The following TRAPPC9 variants were observed in gnomAD, a reference collection of about 807,000 sequenced individuals.
TRAPPC9 encodes the protein IKK2 binding protein.
In TRAPPC9, 83 loss-of-function variants were observed where a neutral mutation model predicts 124.0. That is an observed-to-expected ratio of 0.67 (90% CI 0.56 to 0.80). TRAPPC9 has a LOEUF of 0.80. TRAPPC9 is among the 30% of genes least tolerant of loss of function. The pLI, the probability that TRAPPC9 is intolerant of heterozygous loss-of-function variation, is 0.00. For missense variants in TRAPPC9, 1,302 were observed against 1,508.3 expected (o/e 0.86, Z 2.27); for synonymous variants, 638 against 617.5 (o/e 1.03, Z -0.49).
intron 19 of TRAPPC9, among the ~76,000 whole-genome samples, chr8:139,982,838 T>A (rs1328536761): frequency 6.6e-6 from 1 of 152,180 alleles, no homozygotes; most frequent in Non-Finnish European, 1.5e-5. Context: ...CTAAAAACTC[T>A]AATATTCACA....
At chr8:140,037,560 G>C (rs999574210) in intron 17 of TRAPPC9, among the ~76,000 whole-genome samples, 3 of 151,342 alleles carry the variant, frequency 2.0e-5, no homozygotes, top group African/African-American at 7.3e-5. Context: ...TCCTGTCTCA[G>C]GTCAAACACA....
intron 17 of TRAPPC9, among the ~76,000 whole-genome samples, chr8:140,080,508 A>G (rs574687556): frequency 5.9e-5 from 9 of 152,244 alleles, no homozygotes; most frequent in Non-Finnish European, 1.3e-4. Context: ...AAGAAGAAAC[A>G]CCAGAGGGCA....
chr8:139,937,937 A>G (rs904867700), intron 19 of TRAPPC9, among the ~76,000 whole-genome samples: 1 of 152,140 alleles, frequency 6.6e-6, no homozygotes, highest in Non-Finnish European at 1.5e-5. Context: ...AGATGCACAG[A>G]GACACCTCCT....
In TRAPPC9 at chr8:139,844,475, C is replaced by T. The variant is rs370428713; in HGVS notation, c.3055+41404G>A. ...CCTTCCCTGCTCTTTCTGTGAACAA[C>T]GGAGGGGCCGTTAATTTTCCAGAAA... On this transcript the variant is annotated intron_variant, in intron 21 of 22. Transcript: ENST00000438773. Among the ~76,000 whole-genome samples, 12 of 152,354 alleles carry T rather than the reference C, an allele frequency of 7.9e-5. No homozygotes were observed. The East Asian group carries it at 9.6e-4, about 12-fold the overall frequency.
chr8:139,773,505 G>A (rs982356210), intron 21 of TRAPPC9, among the ~76,000 whole-genome samples: 6 of 152,154 alleles, frequency 3.9e-5, no homozygotes, highest in African/African-American at 1.4e-4. Context: ...AGTCCTCCCC[G>A]GTGGACGGAC....
At chr8:140,017,540 T>C (rs941048922) in intron 18 of TRAPPC9, among the ~76,000 whole-genome samples, 2 of 152,222 alleles carry the variant, frequency 1.3e-5, no homozygotes, top group African/African-American at 2.4e-5. Flanking sequence ...TGAGATACAA[T>C]TGGAACTATT....
chr8:139,985,380 C>T (rs77770410), intron 19 of TRAPPC9, among the ~76,000 whole-genome samples: 8 of 152,256 alleles, frequency 5.3e-5, no homozygotes, highest in South Asian at 2.1e-4. Context: ...AAGAGCAGTC[C>T]GAGGGCTGAC....
chr8:140,074,652 G>A (rs35941335), intron 17 of TRAPPC9, among the ~76,000 whole-genome samples: 2,493 of 152,284 alleles, frequency 0.016, 29 homozygotes, highest in Non-Finnish European at 0.025. Flanking sequence ...GACAGTCCCC[G>A]CCCTGAGGGG....
chr8:140,419,020 G>A (rs1253636015), intron 5 of TRAPPC9, among the ~76,000 whole-genome samples: 1 of 152,184 alleles, frequency 6.6e-6, no homozygotes, highest in Non-Finnish European at 1.5e-5. Flanking sequence ...CTAACCAGGC[G>A]CGGTGGCTCA....
At chr8:140,414,354 T>A in intron 5 of TRAPPC9, among the ~76,000 whole-genome samples, 1 of 152,112 alleles carries the variant, frequency 6.6e-6, no homozygotes, top group Non-Finnish European at 1.5e-5. Flanking sequence ...GGCAACATAG[T>A]GAGATCCTAA....
Position 140,358,443 on chromosome 8 carries a change from G to A in TRAPPC9, c.1495+1607C>T, listed in dbSNP as rs913451124. Among the ~76,000 whole-genome samples the A allele has an allele frequency of 3.9e-5, 6 of 152,266 alleles. No homozygotes were observed. In the South Asian group the frequency reaches 6.2e-4, roughly 16 times the overall value. On this transcript the variant is annotated intron_variant, in intron 9 of 22. Coordinates refer to ENST00000438773, the MANE Select transcript of TRAPPC9 (RefSeq NM_001160372.4). ...GCTGGTCTCGATCTCCTGACCTCAG[G>A]TGATCCGCCCACCTGGGCCTCCCAA...
chr8:139,878,548 G>A (rs1477698231), intron 21 of TRAPPC9, among the ~76,000 whole-genome samples: 2 of 152,320 alleles, frequency 1.3e-5, no homozygotes, highest in Non-Finnish European at 2.9e-5. Flanking sequence ...CAGCTGTGCT[G>A]AGCTCAAGTT....
At chr8:139,921,241 G>A (rs1270160326) in intron 19 of TRAPPC9, among the ~76,000 whole-genome samples, 1 of 152,216 alleles carries the variant, frequency 6.6e-6, no homozygotes, top group Non-Finnish European at 1.5e-5. Flanking sequence ...ATCACATCAC[G>A]GCAGAAACAG....
chr8:139,945,563 A>C (rs13266890), intron 19 of TRAPPC9, among the ~76,000 whole-genome samples: 4 of 149,432 alleles, frequency 2.7e-5, no homozygotes, highest in Admixed American at 2.6e-4. Context: ...AAAAAAAAAA[A>C]AAAAAAAAAA....
rs2065399596 is a variant in TRAPPC9 at position 140,283,800 on chromosome 8, G to T, written c.2114+89C>A. ...CTATATTCTGGTCATAAGAATTACA[G>T]GCTCTTTGTGCCATTAAAAAAAAAA... On this transcript the variant is annotated intron_variant, in intron 14 of 22. Coordinates refer to ENST00000438773, the MANE Select transcript of TRAPPC9 (RefSeq NM_001160372.4). The T allele has an allele frequency of 7.9e-6, 11 of 1,399,120 alleles. No individual in the cohort carries two copies. In the South Asian group the frequency reaches 1.3e-4, roughly 16 times the overall value. 86.7% of individuals were successfully genotyped at this position (1,399,120 alleles called of 1,614,324 possible).
At chr8:139,866,739 G>A (rs1012617235) in intron 21 of TRAPPC9, among the ~76,000 whole-genome samples, 4 of 152,094 alleles carry the variant, frequency 2.6e-5, no homozygotes, top group Non-Finnish European at 5.9e-5. Flanking sequence ...CTGTTAAGGT[G>A]GACAGACAGA....
At chr8:140,084,682 G>A (rs1235382908) in intron 17 of TRAPPC9, among the ~76,000 whole-genome samples, 2 of 152,242 alleles carry the variant, frequency 1.3e-5, no homozygotes, top group Admixed American at 6.5e-5. Flanking sequence ...TCCCAGTGGT[G>A]AGCAGCATCC....
Position 140,018,077 on chromosome 8 carries a change from T to C in TRAPPC9, c.2699+5860A>G, listed in dbSNP as rs1316857136. On this transcript the variant is annotated intron_variant, in intron 18 of 22. Coordinates refer to ENST00000438773, the MANE Select transcript of TRAPPC9 (RefSeq NM_001160372.4). ...CCAGGCTGGTCTTGAACTCCTGACC[T>C]TGTGATCCACCTGCCTCGGCCTCTC... 2.6e-5 allele frequency among the ~76,000 whole-genome samples: 4 copies of C among 152,224 alleles called. No homozygotes were observed. The East Asian group carries it at 7.7e-4, about 29-fold the overall frequency.
intron 17 of TRAPPC9, 34 bp from the exon 18 acceptor site, chr8:140,024,113 C>T: frequency 6.2e-7 from 1 of 1,608,276 alleles, no homozygotes; most frequent in Non-Finnish European, 8.5e-7. Context: ...TACACACACA[C>T]ACATTAGTAA....
Sources: allele counts gnomAD v4.1 joint callset (sites outside exome capture counted in the v4.1 genomes callset), GRCh38; gene constraint gnomAD v4.1.1; transcripts MANE v1.5; gene names NCBI Gene and HGNC (gene_info 2026-07-23, HGNC 2026-07-21).